IPO11: variants seen among roughly 807,000 people sequenced by gnomAD.
IPO11 encodes importin 11, also known as importin-11.
A neutral mutation model predicts 143.2 loss-of-function variants in IPO11; 66 were observed. The observed-to-expected ratio is 0.46, with a 90% CI of 0.38 to 0.57. The LOEUF (loss-of-function observed/expected upper bound fraction) is 0.57, where lower values mean the gene tolerates loss of function less well. Among genes scored for constraint, IPO11 ranks in the 20% least tolerant of loss-of-function variants. The pLI, the probability that IPO11 is intolerant of heterozygous loss-of-function variation, is 0.00. For missense variants in IPO11, 1,026 were observed against 1,141.0 expected, an observed-to-expected ratio of 0.90 and a Z score of 1.45; for synonymous variants, 385 against 377.8, an observed-to-expected ratio of 1.02 and a Z score of -0.22.
chr5:62,459,875 G>A (rs1051923874), intron 5 of IPO11, among the ~76,000 whole-genome samples: 6 of 151,994 alleles, frequency 3.9e-5, no homozygotes, highest in South Asian at 2.1e-4. Context: ...ACAAAAAAAC[G>A]GATTATTACT....
chr5:62,491,931 A>C (rs2112239234), intron 15 of IPO11, among the ~76,000 whole-genome samples: 3 of 152,172 alleles, frequency 2.0e-5, no homozygotes, highest in Admixed American at 2.0e-4. Flanking sequence ...TGGCCTCCCA[A>C]AGAATAAGAT....
intron 29 of IPO11, among the ~76,000 whole-genome samples, chr5:62,619,096 G>A (rs931472654): frequency 1.3e-5 from 2 of 152,068 alleles, no homozygotes; most frequent in Non-Finnish European, 1.5e-5. Flanking sequence ...GGTATTGCAC[G>A]CCTGTAGTCC....
chr5:62,515,862 T>A (rs1033539944), intron 20 of IPO11, among the ~76,000 whole-genome samples: 1 of 152,178 alleles, frequency 6.6e-6, no homozygotes, highest in Non-Finnish European at 1.5e-5. Flanking sequence ...AATAAAAAAA[T>A]TCCCTATTAT....
chr5:62,433,171 A>G (rs188657366), intron 1 of IPO11, among the ~76,000 whole-genome samples: 148 of 150,210 alleles, frequency 9.9e-4, no homozygotes, highest in African/African-American at 3.0e-3. Context: ...TTTAAAGTCA[A>G]TCTACTTAAA....
chr5:62,426,998 C>T (rs1434136368), intron 1 of IPO11, among the ~76,000 whole-genome samples: 3 of 131,028 alleles, frequency 2.3e-5, no homozygotes, highest in South Asian at 2.4e-4. Flanking sequence ...AGTGCAATGG[C>T]GCGATCTCGG....
Position 62,536,905 on chromosome 5 carries a change from T to C in IPO11, c.2169+124T>C, listed in dbSNP as rs1742754027. The C allele has an allele frequency of 2.8e-6, 3 of 1,080,506 alleles. No homozygotes were observed. The East Asian group carries it at 9.2e-5, about 33-fold the overall frequency. The allele number at this position is 1,080,506 out of a possible 1,614,324, so 66.9% of individuals were successfully genotyped here. A position where few individuals can be genotyped will look rare whatever the true frequency, so the allele number is the denominator to read the frequency against. On this transcript the variant is annotated intron_variant, in intron 23 of 29. Transcript: ENST00000325324. Reference sequence around the variant, plus strand: ...CTGTTATTTTAAGACAGAGAAACATTGACTGTGAGCATTTCCCATTGCAGG... The same window carrying C: ...CTGTTATTTTAAGACAGAGAAACATCGACTGTGAGCATTTCCCATTGCAGG...
At chr5:62,458,726 A>G (rs1417840435) in intron 5 of IPO11, among the ~76,000 whole-genome samples, 1 of 152,194 alleles carries the variant, frequency 6.6e-6, no homozygotes, top group Non-Finnish European at 1.5e-5. Context: ...TCAAGGTGAA[A>G]AAGAACTTTT....
At chr5:62,534,582 A>G (rs1250849926) in intron 22 of IPO11, among the ~76,000 whole-genome samples, 2 of 152,272 alleles carry the variant, frequency 1.3e-5, no homozygotes, top group African/African-American at 4.8e-5. Context: ...GGTTATATAC[A>G]GGTTTACCTT....
chr5:62,608,382 T>C (rs187194020), intron 29 of IPO11, among the ~76,000 whole-genome samples: 1 of 152,322 alleles, frequency 6.6e-6, no homozygotes, highest in East Asian at 1.9e-4. Flanking sequence ...GCATACATAT[T>C]TTCTAAAAGC....
rs1185883105 is a variant in IPO11, at chr5:62,506,226, TCTTTTTA to T, written c.1666-13_1666-7del. 4 of 1,425,698 alleles carry T rather than the reference TCTTTTTA, an allele frequency of 2.8e-6. No individual in the cohort carries two copies. The highest frequency in any genetic ancestry group is 3.9e-6 in the Non-Finnish European group (4 of 1,021,864). 88.3% of individuals were successfully genotyped at this position (1,425,698 alleles called of 1,614,324 possible). A position where few individuals can be genotyped will look rare whatever the true frequency, so the allele number is the denominator to read the frequency against. On this transcript the variant is annotated splice_polypyrimidine_tract_variant and splice_region_variant and intron_variant, in intron 18 of 29. Coordinates refer to ENST00000325324, the MANE Select transcript of IPO11 (RefSeq NM_016338.5). The stretch of plus-strand genomic sequence containing the variant: ...TATTATAAACCTTTTTTATTTTCTT[TCTTTTTA>T]CCTGCAGTATTTGGAAACCATGTTC...
chr5:62,545,437 C>T (rs1040470408), intron 24 of IPO11, among the ~76,000 whole-genome samples: 4 of 152,102 alleles, frequency 2.6e-5, no homozygotes, highest in Non-Finnish European at 5.9e-5. Context: ...ACACCTTATA[C>T]AAAAATTAAT....
intron 28 of IPO11, among the ~76,000 whole-genome samples, chr5:62,598,519 TTTC>T (rs1561380865): frequency 1.0e-3 from 7 of 6,860 alleles, no homozygotes; most frequent in African/African-American, 5.3e-3. Flanking sequence ...TCTTTCTTTC[TTTC>T]TTTCTTTTCT....
chr5:62,448,829 G>C (rs934863107), intron 3 of IPO11, among the ~76,000 whole-genome samples: 1 of 152,166 alleles, frequency 6.6e-6, no homozygotes, highest in Non-Finnish European at 1.5e-5. Flanking sequence ...AAAGGATTGG[G>C]ATTACAGGCA....
rs529700258 is a variant in IPO11, at chr5:62,472,287, C to CT, written c.708+1986dup. Among the ~76,000 whole-genome samples, 21 of 152,148 alleles carry CT rather than the reference C, an allele frequency of 1.4e-4. No individual in the cohort carries two copies. In the South Asian group the frequency reaches 4.1e-3, roughly 30 times the overall value. ...ATATTAACCAGAATATTATGTTTATCTTTTTTTAAGTGAAAATGAATTGAT... is the reference window on the plus strand; with the variant it reads ...ATATTAACCAGAATATTATGTTTATCTTTTTTTTAAGTGAAAATGAATTGAT... On this transcript the variant is annotated intron_variant, in intron 7 of 29. Transcript: ENST00000325324.
intron 5 of IPO11, among the ~76,000 whole-genome samples, chr5:62,458,948 T>C (rs953433455): frequency 6.6e-6 from 1 of 152,174 alleles, no homozygotes; most frequent in Non-Finnish European, 1.5e-5. Context: ...AAAGTTGCTT[T>C]TGAAACAGTG....
chr5:62,482,402 C>G (rs964800719), intron 9 of IPO11, among the ~76,000 whole-genome samples: 3 of 152,042 alleles, frequency 2.0e-5, no homozygotes, highest in African/African-American at 7.2e-5. Context: ...TAGATCTTTC[C>G]TGCTTTCTCT....
chr5:62,571,689 T>G (rs1011030012), intron 27 of IPO11, among the ~76,000 whole-genome samples: 14 of 140,966 alleles, frequency 9.9e-5, no homozygotes, highest in African/African-American at 3.1e-4. Context: ...ATTATTAAAC[T>G]TTTTTTTTTT....
intron 21 of IPO11, among the ~76,000 whole-genome samples, chr5:62,530,005 ATGGCCTT>A (rs1462877169): frequency 6.6e-6 from 1 of 152,206 alleles, no homozygotes; most frequent in African/African-American, 2.4e-5. Flanking sequence ...TTGGCTTATA[ATGGCCTT>A]TGTTGTACTA....
At chr5:62,458,191 T>TCAAA (rs1460160775) in intron 5 of IPO11, among the ~76,000 whole-genome samples, 1 of 151,258 alleles carries the variant, frequency 6.6e-6, no homozygotes. Context: ...GAGCAAGTCA[T>TCAAA]CAAATAGGTT....
Sources: gnomAD v4.1 joint callset for allele counts (sites outside exome capture counted in the v4.1 genomes callset) on GRCh38, gnomAD v4.1.1 for gene constraint, MANE v1.5 for transcripts, NCBI Gene and HGNC (gene_info 2026-07-23, HGNC 2026-07-21) for gene names.